VPS35L: variants seen among roughly 807,000 people sequenced by gnomAD.
The protein encoded by VPS35L is VPS35 endosomal protein-sorting factor-like.
VPS35L carries 83 observed loss-of-function variants against 133.0 expected under a neutral mutation model. The ratio of observed to expected loss-of-function variants is 0.62; its 90% confidence interval spans 0.52 to 0.75. VPS35L has a LOEUF of 0.75. Among genes scored for constraint, VPS35L ranks in the 30% least tolerant of loss-of-function variants. The pLI is 0.00. For synonymous variants in VPS35L, 423 were observed against 449.9 expected (o/e 0.94, Z 0.76); for missense variants, 1,083 against 1,206.8 (o/e 0.90, Z 1.52).
intron 7 of VPS35L, among the ~76,000 whole-genome samples, chr16:19,585,905 T>C (rs1971849014): frequency 6.6e-6 from 1 of 152,142 alleles, no homozygotes; most frequent in African/African-American, 2.4e-5. Context: ...TAACAATTTT[T>C]TTTTCCTTGG....
At chr16:19,668,722 C>G (rs1355635265) in intron 26 of VPS35L, among the ~76,000 whole-genome samples, 1 of 152,102 alleles carries the variant, frequency 6.6e-6, no homozygotes, top group Non-Finnish European at 1.5e-5. Context: ...ACTACCAACA[C>G]TGGAACTTCA....
At chr16:19,651,853 G>T in intron 25 of VPS35L, 123 bp from the exon 26 acceptor site, 2 of 741,902 alleles carry the variant, frequency 2.7e-6, no homozygotes, top group African/African-American at 1.7e-5. Flanking sequence ...GGAAAATGGG[G>T]CTCAGAATGT....
At chr16:19,576,217 C>T (rs1223601944) in intron 5 of VPS35L, among the ~76,000 whole-genome samples, 1 of 148,762 alleles carries the variant, frequency 6.7e-6, no homozygotes, top group South Asian at 2.1e-4. Flanking sequence ...AGGAGTAAAA[C>T]GTAAGCTTAC....
intron 27 of VPS35L, among the ~76,000 whole-genome samples, chr16:19,680,738 C>T (rs1975241273): frequency 6.6e-6 from 1 of 152,082 alleles, no homozygotes; most frequent in African/African-American, 2.4e-5. Flanking sequence ...ATGGCAAGAC[C>T]TCATCTCTAC....
chr16:19,669,351 T>C (rs754475098), intron 27 of VPS35L, 52 bp downstream of exon 27: 15 of 1,562,626 alleles, frequency 9.6e-6, no homozygotes, highest in Non-Finnish European at 1.2e-5. Flanking sequence ...ACCTGCCTTA[T>C]AATATTATAT....
chr16:19,624,410 C>T (rs1973194413), intron 14 of VPS35L, among the ~76,000 whole-genome samples: 1 of 151,894 alleles, frequency 6.6e-6, no homozygotes, highest in Non-Finnish European at 1.5e-5. Flanking sequence ...GGGTGAAACC[C>T]CATCTCTACT....
intron 7 of VPS35L, among the ~76,000 whole-genome samples, chr16:19,591,166 G>C (rs1972031347): frequency 6.6e-6 from 1 of 152,072 alleles, no homozygotes; most frequent in African/African-American, 2.4e-5. Flanking sequence ...ATCAGTGTGA[G>C]TTTATGAAGC....
chr16:19,647,916 G>A (rs2151584196), intron 24 of VPS35L, 34 bp downstream of exon 24: 1 of 1,493,816 alleles, frequency 6.7e-7, no homozygotes, highest in Non-Finnish European at 9.3e-7. Context: ...TCTTCTCTCA[G>A]TAAATATTTA....
intron 7 of VPS35L, among the ~76,000 whole-genome samples, chr16:19,591,532 A>AT (rs1301157972): frequency 2.6e-5 from 4 of 151,390 alleles, no homozygotes; most frequent in African/African-American, 9.7e-5. Context: ...CCTGGGCAAC[A>AT]TAGCGAGACC....
At chr16:19,581,797 C>A in intron 7 of VPS35L, 144 bp downstream of exon 7, 1 of 993,608 alleles carries the variant, frequency 1.0e-6, no homozygotes, top group Non-Finnish European at 1.5e-6. Flanking sequence ...CTGTGAAAAG[C>A]CATGATTATG....
At position 19,639,343 on chromosome 16, in the gene VPS35L, AGC is replaced by A. The variant is rs1295017542; in HGVS notation, c.1699-671_1699-670del. ...TCCAATTTCGAGGCCATCTGTGAAC[AGC>A]TCTACTCTGACTCTTCTTCCATTGC... On this transcript the variant is annotated intron_variant, in intron 20 of 30. Transcript: ENST00000417362. This position sits in a 1 kb window ranked among gnomAD's most constrained non-coding sequence, Gnocchi z 4.1. Among the ~76,000 whole-genome samples the A allele has an allele frequency of 5.8e-4, 89 of 152,254 alleles. 1 individual carries two copies. The East Asian group carries it at 0.017, about 29-fold the overall frequency.
At chr16:19,601,775 G>A (rs1023988883) in intron 9 of VPS35L, 52 bp downstream of exon 9, 3 of 1,575,810 alleles carry the variant, frequency 1.9e-6, no homozygotes, top group Middle Eastern at 1.7e-4. Context: ...GTCAGGACTA[G>A]AAGGCTTTTA....
intron 28 of VPS35L, among the ~76,000 whole-genome samples, chr16:19,685,001 A>G (rs1029356951): frequency 3.3e-5 from 5 of 151,952 alleles, no homozygotes; most frequent in African/African-American, 1.2e-4. Flanking sequence ...GCAGTGAGCC[A>G]AGATCACACC....
intron 26 of VPS35L, among the ~76,000 whole-genome samples, chr16:19,668,728 C>A (rs1311686501): frequency 6.6e-6 from 1 of 152,098 alleles, no homozygotes; most frequent in Non-Finnish European, 1.5e-5. Context: ...AACACTGGAA[C>A]TTCATACACA....
At chr16:19,642,667 C>A (rs1031503189) in intron 22 of VPS35L, among the ~76,000 whole-genome samples, 191 bp downstream of exon 22, 1 of 152,146 alleles carries the variant, frequency 6.6e-6, no homozygotes, top group Non-Finnish European at 1.5e-5. Flanking sequence ...CTTGAGAAAG[C>A]GACGTGGCAG....
Position 19,608,273 on chromosome 16 carries a change from T to G in VPS35L, c.880T>G (p.Phe294Val). ...IASIRELIPR[F>V]YVEASILKCN... The stretch of plus-strand genomic sequence containing the variant: ...CTCCATCAGGGAACTCATTCCAAGA[T>G]TGTATCCTTTTTTTTTTTTTTGGTC... Residue 294 changes from phenylalanine (F) to valine (V), a missense_variant and splice_region_variant, in exon 10 of 31, where the codon TTT becomes GTT. Coordinates refer to ENST00000417362, the MANE Select transcript of VPS35L (RefSeq NM_020314.7). 6.4e-7 allele frequency: 1 copy of G among 1,572,798 alleles called. No individual in the cohort carries two copies. Among genetic ancestry groups the G allele is most frequent in the Non-Finnish European group, 8.7e-7 (1 of 1,155,342 alleles).
intron 27 of VPS35L, among the ~76,000 whole-genome samples, chr16:19,676,311 G>T (rs1975060742): frequency 6.6e-6 from 1 of 152,158 alleles, no homozygotes; most frequent in Non-Finnish European, 1.5e-5. Context: ...TCAAGTCCCT[G>T]GTCCAATTTA....
At chr16:19,635,240 C>T (rs981132537) in intron 19 of VPS35L, among the ~76,000 whole-genome samples, 1 of 151,956 alleles carries the variant, frequency 6.6e-6, no homozygotes, top group African/African-American at 2.4e-5. Context: ...TCCAGCTATT[C>T]AGGAGGCAGA....
chr16:19,560,614 G>A (rs1170960149), intron 1 of VPS35L, among the ~76,000 whole-genome samples: 1 of 151,990 alleles, frequency 6.6e-6, no homozygotes, highest in African/African-American at 2.4e-5. Flanking sequence ...TGGCCAAAAT[G>A]GTGAAAGCCC....
Sources: gnomAD v4.1 joint callset for allele counts (sites outside exome capture counted in the v4.1 genomes callset) on GRCh38, gnomAD v4.1.1 for gene constraint, Gnocchi (gnomAD v3.1) non-coding constraint, MANE v1.5 for transcripts, NCBI Gene and HGNC (gene_info 2026-07-23, HGNC 2026-07-21) for gene names.